SLC16A9: variants seen among roughly 807,000 people sequenced by gnomAD.
The protein encoded by SLC16A9 is solute carrier family 16 member 9, also known as monocarboxylate transporter 9.
SLC16A9 carries 26 observed loss-of-function variants against 44.3 expected under a neutral mutation model. That is an observed-to-expected ratio of 0.59 (90% confidence interval 0.43 to 0.81). SLC16A9 has a LOEUF of 0.81. Among genes scored for constraint, SLC16A9 ranks in the 40% least tolerant of loss-of-function variants. The pLI is 0.00. For missense variants in SLC16A9, 559 were observed against 595.8 expected (o/e 0.94, Z 0.64); for synonymous variants, 230 against 225.1 (o/e 1.02, Z -0.19).
Position 59,709,702 on chromosome 10 carries a change from C to T in SLC16A9, c.-260G>A, listed in dbSNP as rs1228188845. ...CCCGGGAGCCGCCGCCCTCTGCCCC[C>T]ACAGACCCGCAGCGGCGGCGGCCAC... On this transcript the variant is annotated 5_prime_UTR_variant, in exon 1 of 6. Transcript: ENST00000395348. 6.6e-6 allele frequency: 1 copy of T among 152,338 alleles called. No homozygotes were observed. The highest frequency in any genetic ancestry group is 1.5e-5 in the Non-Finnish European group (1 of 68,248). The allele number at this position is 152,338 out of a possible 1,614,324, so 9.4% of individuals were successfully genotyped here. A position where few individuals can be genotyped will look rare whatever the true frequency, so the allele number is the denominator to read the frequency against.
Position 59,654,410 on chromosome 10 carries a change from C to G in SLC16A9, c.616G>C (p.Asp206His). Residue 206 changes from aspartate to histidine, a missense_variant, in exon 5 of 6, where the codon GAT (aspartate) becomes CAT (histidine). Coordinates refer to ENST00000395348, the MANE Select transcript of SLC16A9 (RefSeq NM_194298.3). ...CPLPKKIAPE[D>H]LPDKYSIYNE... ...TAAATGGAGTATTTATCTGGTAGATCTTCTGGAGCTATTTTTTTAGGCAAA... is the reference window on the plus strand; with the variant it reads ...TAAATGGAGTATTTATCTGGTAGATGTTCTGGAGCTATTTTTTTAGGCAAA... The G allele has an allele frequency of 2.5e-6, 4 of 1,613,630 alleles. No individual in the cohort carries two copies. The highest frequency in any genetic ancestry group is 3.4e-6 in the Non-Finnish European group (4 of 1,180,028).
At chr10:59,656,076 G>A (rs544117694) in intron 4 of SLC16A9, among the ~76,000 whole-genome samples, 5 of 152,208 alleles carry the variant, frequency 3.3e-5, no homozygotes, top group Non-Finnish European at 4.4e-5. Flanking sequence ...TCATGTTAAT[G>A]TAATGGCAAC....
intron 1 of SLC16A9, among the ~76,000 whole-genome samples, chr10:59,689,484 G>A (rs1479929887): frequency 6.6e-6 from 1 of 152,140 alleles, no homozygotes; most frequent in East Asian, 1.9e-4. Flanking sequence ...TAGGCTTTCA[G>A]GACTCTGAAT....
At chr10:59,697,258 C>T (rs1268725801) in intron 1 of SLC16A9, among the ~76,000 whole-genome samples, 8 of 151,676 alleles carry the variant, frequency 5.3e-5, no homozygotes, top group Non-Finnish European at 8.8e-5. Context: ...GAGAACAGGC[C>T]ATGATGACAA....
intron 1 of SLC16A9, among the ~76,000 whole-genome samples, chr10:59,707,234 G>A (rs114862304): frequency 0.013 from 1,834 of 142,842 alleles, 58 homozygotes; most frequent in African/African-American, 0.045. Context: ...GAAGAAAAGA[G>A]GGAAGGAAAA....
At chr10:59,687,965 C>T (rs1360112970) in intron 1 of SLC16A9, among the ~76,000 whole-genome samples, 1 of 36,546 alleles carries the variant, frequency 2.7e-5, no homozygotes, top group African/African-American at 1.4e-4. Flanking sequence ...GTCTCAACAA[C>T]AACAAAAAAA....
intron 2 of SLC16A9, among the ~76,000 whole-genome samples, chr10:59,681,789 T>TATG: frequency 1.6e-4 from 3 of 18,642 alleles, no homozygotes; most frequent in African/African-American, 3.8e-4. Context: ...ATATGATGTA[T>TATG]ATGTATATGT....
intron 1 of SLC16A9, among the ~76,000 whole-genome samples, chr10:59,698,037 GT>G (rs146740187): frequency 6.6e-6 from 1 of 151,604 alleles, no homozygotes; most frequent in African/African-American, 2.4e-5. Flanking sequence ...CAACCTTAGG[GT>G]TTTTTTCTGG....
In SLC16A9 at chr10:59,652,569, T is replaced by C. The variant is rs1317484419; in HGVS notation, c.*203A>G. Reference sequence around the variant, plus strand: ...CCATTGATGGTGTGGGGAGGAGAAATAGAAAAAAATACGAGATAGAGGCTA... The same window carrying C: ...CCATTGATGGTGTGGGGAGGAGAAACAGAAAAAAATACGAGATAGAGGCTA... On this transcript the variant is annotated 3_prime_UTR_variant, in exon 6 of 6. Coordinates refer to ENST00000395348, the MANE Select transcript of SLC16A9 (RefSeq NM_194298.3). The C allele has an allele frequency of 2.2e-5, 10 of 448,806 alleles. No individual in the cohort carries two copies. The highest frequency in any genetic ancestry group is 2.1e-4 in the South Asian group (5 of 23,634). 27.8% of individuals were successfully genotyped at this position (448,806 alleles called of 1,614,324 possible). A position where few individuals can be genotyped will look rare whatever the true frequency, so the allele number is the denominator to read the frequency against.
At chr10:59,684,010 CCT>C (rs1840076523) in intron 2 of SLC16A9, 84 bp downstream of exon 2, 5 of 1,056,766 alleles carry the variant, frequency 4.7e-6, no homozygotes, top group Non-Finnish European at 6.7e-6. Flanking sequence ...AAAAGAAAGC[CCT>C]CTCTGCCTTG....
chr10:59,684,463 C>T (rs1051546198), intron 1 of SLC16A9, 136 bp from the exon 2 acceptor site: 2 of 465,572 alleles, frequency 4.3e-6, no homozygotes, highest in African/African-American at 4.0e-5. Flanking sequence ...CATAAAATAT[C>T]ACTGACATAG....
intron 1 of SLC16A9, among the ~76,000 whole-genome samples, chr10:59,689,609 T>C (rs1332898831): frequency 1.3e-5 from 2 of 152,202 alleles, no homozygotes; most frequent in East Asian, 1.9e-4. Flanking sequence ...TCCTACTACG[T>C]TGACCTCCTA....
At position 59,652,799 on chromosome 10, in the gene SLC16A9, G is replaced by A. The variant is rs145767510; in HGVS notation, c.1503C>T (p.Phe501=). 655 of 1,612,216 alleles carry A rather than the reference G, an allele frequency of 4.1e-4. No homozygotes were observed. The highest frequency in any genetic ancestry group is 1.3e-3 in the East Asian group (59 of 44,836). Residue 501 remains phenylalanine (F), a synonymous_variant, in exon 6 of 6, where the codon TTC becomes TTT. Coordinates refer to ENST00000395348, the MANE Select transcript of SLC16A9 (RefSeq NM_194298.3). ...KQLPKPAPTT[F]LYKVASNV is the part of the protein sequence containing the mutation. ...AAACATTAGAGGCAACTTTGTACAA[G>A]AAAGTTGTTGGAGCTGGCTTGGGGA...
At chr10:59,654,727 A>C in intron 4 of SLC16A9, 138 bp from the exon 5 acceptor site, 1 of 690,086 alleles carries the variant, frequency 1.4e-6, no homozygotes, top group East Asian at 2.8e-5. Flanking sequence ...AGAAGATAGA[A>C]GATAACAATA....
At chr10:59,664,173 A>T in intron 4 of SLC16A9, 54 bp downstream of exon 4, 1 of 1,285,616 alleles carries the variant, frequency 7.8e-7, no homozygotes, top group Non-Finnish European at 1.1e-6. Flanking sequence ...GTAACTTTTT[A>T]CTTTGTTTAG....
At chr10:59,703,912 C>G (rs142450584) in intron 1 of SLC16A9, among the ~76,000 whole-genome samples, 15 of 151,886 alleles carry the variant, frequency 9.9e-5, no homozygotes. Context: ...TTAGTAGAGA[C>G]GGGGTTTCGC....
rs77200219 is a variant in SLC16A9, at chr10:59,664,356, G to T, written c.341-34C>A. On this transcript the variant is annotated intron_variant, in intron 3 of 5. Coordinates refer to ENST00000395348, the MANE Select transcript of SLC16A9 (RefSeq NM_194298.3). ...GAGAAGACATTGCATAAATTAAGAC[G>T]CTGCATTACTTCAATGCAAGAGAAA... is the stretch of plus-strand genomic sequence containing the variant. The T allele has an allele frequency of 2.4e-5, 34 of 1,414,484 alleles. 1 individual carries two copies. Among genetic ancestry groups the T allele is most frequent in the South Asian group, 1.9e-4 (16 of 82,428 alleles). The allele number at this position is 1,414,484 out of a possible 1,614,324, so 87.6% of individuals were successfully genotyped here.
intron 1 of SLC16A9, among the ~76,000 whole-genome samples, chr10:59,705,209 G>T (rs192150699): frequency 6.6e-6 from 1 of 151,238 alleles, no homozygotes; most frequent in East Asian, 1.9e-4. Flanking sequence ...AATATGTCCC[G>T]TCACTGAAAG....
intron 3 of SLC16A9, among the ~76,000 whole-genome samples, chr10:59,670,645 A>C (rs181596058): frequency 2.6e-5 from 4 of 152,368 alleles, no homozygotes; most frequent in African/African-American, 9.6e-5. Flanking sequence ...ACAGAATTGC[A>C]TCTTACAAAT....
Sources: gnomAD v4.1 joint callset for allele counts (sites outside exome capture counted in the v4.1 genomes callset) on GRCh38, gnomAD v4.1.1 for gene constraint, MANE v1.5 for transcripts, NCBI Gene and HGNC (gene_info 2026-07-23, HGNC 2026-07-21) for gene names.